Variants in EPM2A observed in about 807,000 individuals in gnomAD.
EPM2A encodes EPM2A glucan phosphatase, laforin.
In EPM2A, 21 loss-of-function variants were observed where a neutral mutation model predicts 26.5. The ratio of observed to expected loss-of-function variants is 0.79; its 90% CI spans 0.56 to 1.14. The LOEUF is 1.14. EPM2A is among the 50% of genes most tolerant of loss of function. The probability of loss-of-function intolerance (pLI) is 0.00; values close to 1 mark genes in which losing one functional copy is unlikely to be tolerated. For missense variants in EPM2A, 458 were observed against 440.8 expected, an observed-to-expected ratio of 1.04 and a Z score of -0.35; for synonymous variants, 217 against 177.6, an observed-to-expected ratio of 1.22 and a Z score of -1.76.
At position 145,432,500 on chromosome 6, in the gene EPM2A, C is replaced by CTTT. The variant is rs3063949; in HGVS notation, c.556-48406_556-48404dup. On this transcript the variant is annotated intron_variant, in intron 4 of 4. Transcript: ENST00000638717. The stretch of plus-strand genomic sequence containing the variant: ...ATTGTAAATGATCAGTTTTTTGAGT[C>CTTT]TTTTTTTTTTTTCTGAACAGTAGTC... Among the ~76,000 whole-genome samples the CTTT allele has an allele frequency of 4.6e-3, 672 of 147,118 alleles. 7 individuals carry two copies. The highest frequency in any genetic ancestry group is 0.016 in the South Asian group (74 of 4,682).
intron 4 of EPM2A, among the ~76,000 whole-genome samples, chr6:145,419,188 C>A (rs111766628): frequency 0.022 from 3,353 of 150,648 alleles, 160 homozygotes; most frequent in African/African-American, 0.076. Flanking sequence ...TGTCCCCCCC[C>A]CCCGCTCCTT....
chr6:145,723,699 A>G (rs1325395719), intron 1 of EPM2A, among the ~76,000 whole-genome samples: 1 of 152,132 alleles, frequency 6.6e-6, no homozygotes, highest in Non-Finnish European at 1.5e-5. Flanking sequence ...AACAAGATGA[A>G]TGATATAAAT....
intron 2 of EPM2A, among the ~76,000 whole-genome samples, chr6:145,583,484 G>GC (rs994615846): frequency 2.8e-4 from 42 of 152,284 alleles, no homozygotes; most frequent in African/African-American, 9.9e-4. Flanking sequence ...GGTAGTAGGT[G>GC]CCTGGCTTTG....
intron 4 of EPM2A, among the ~76,000 whole-genome samples, chr6:145,479,237 T>A (rs1340375790): frequency 1.4e-5 from 2 of 147,982 alleles, no homozygotes; most frequent in Non-Finnish European, 3.0e-5. Flanking sequence ...AATATATATA[T>A]ATAAAATAAA....
intron 2 of EPM2A, among the ~76,000 whole-genome samples, chr6:145,563,857 T>C (rs1780843668): frequency 6.6e-6 from 1 of 152,108 alleles, no homozygotes; most frequent in Non-Finnish European, 1.5e-5. Context: ...GGAAAACATA[T>C]ATACATTTGA....
rs185555784 is a variant in EPM2A at position 145,704,410 on chromosome 6, A to G, written c.302-18114T>C. Among the ~76,000 whole-genome samples the G allele has an allele frequency of 1.7e-3, 256 of 152,362 alleles. 2 individuals are homozygous for G. Among genetic ancestry groups the G allele is most frequent in the Non-Finnish European group, 1.1e-3 (77 of 68,036 alleles). ...AAACAGAATATAAATAAAGTATTCA[A>G]ATTTGAAAAGATTTTAAGAATTTCC... On this transcript the variant is annotated intron_variant, in intron 1 of 3. Coordinates refer to ENST00000367519, the MANE Select transcript of EPM2A (RefSeq NM_005670.4).
intron 2 of EPM2A, among the ~76,000 whole-genome samples, chr6:145,599,044 T>C (rs531079786): frequency 4.6e-5 from 7 of 152,264 alleles, no homozygotes; most frequent in South Asian, 2.1e-4. Context: ...TAACATGATG[T>C]CTCTAGCTTT....
chr6:145,581,240 T>G (rs917413067), intron 2 of EPM2A, among the ~76,000 whole-genome samples: 2 of 152,204 alleles, frequency 1.3e-5, no homozygotes, highest in Non-Finnish European at 2.9e-5. Flanking sequence ...TAATTTGCAT[T>G]TCTCAAATGA....
chr6:145,582,342 T>C (rs1781127004), intron 2 of EPM2A, among the ~76,000 whole-genome samples: 1 of 152,150 alleles, frequency 6.6e-6, no homozygotes, highest in Admixed American at 6.5e-5. Flanking sequence ...TTGCTGAGAA[T>C]TGTCTAATGG....
chr6:145,513,402 AT>A (rs1486818335), intron 2 of EPM2A, among the ~76,000 whole-genome samples: 2 of 152,210 alleles, frequency 1.3e-5, no homozygotes, highest in Non-Finnish European at 2.9e-5. Flanking sequence ...GCCAAAAAAA[AT>A]ATTGGCATGA....
At chr6:145,666,958 C>G (rs1244742139) in intron 2 of EPM2A, among the ~76,000 whole-genome samples, 1 of 129,028 alleles carries the variant, frequency 7.8e-6, no homozygotes, top group East Asian at 2.2e-4. Flanking sequence ...ACTGGCTAGC[C>G]ATATGTAGAA....
chr6:145,615,996 G>A (rs1775504444), intron 2 of EPM2A, among the ~76,000 whole-genome samples: 1 of 152,196 alleles, frequency 6.6e-6, no homozygotes, highest in Non-Finnish European at 1.5e-5. Context: ...CATTTTCTAA[G>A]GAGAAATTTA....
intron 1 of EPM2A, among the ~76,000 whole-genome samples, chr6:145,692,213 T>C (rs1258209627): frequency 1.3e-5 from 2 of 152,116 alleles, no homozygotes; most frequent in East Asian, 3.9e-4. Context: ...GGTGGTTAAA[T>C]ACGTAAAGCA....
chr6:145,639,133 A>G (rs916139906), intron 2 of EPM2A: 6 of 152,198 alleles, frequency 3.9e-5, no homozygotes, highest in African/African-American at 1.4e-4. Flanking sequence ...ACCAAAATTC[A>G]AAGATATAAT....
At chr6:145,444,695 T>G (rs1015676963) in intron 4 of EPM2A, among the ~76,000 whole-genome samples, 2 of 152,206 alleles carry the variant, frequency 1.3e-5, no homozygotes, top group African/African-American at 2.4e-5. Flanking sequence ...AATAACAGTT[T>G]CTGTTTATTG....
intron 2 of EPM2A, among the ~76,000 whole-genome samples, chr6:145,568,396 T>C (rs1041351243): frequency 2.0e-5 from 3 of 151,762 alleles, no homozygotes; most frequent in Non-Finnish European, 1.5e-5. Context: ...CTCTGCTCAC[T>C]GCAGCCTCTG....
chr6:145,549,766 T>C (rs1324886426), intron 2 of EPM2A, among the ~76,000 whole-genome samples: 2 of 152,106 alleles, frequency 1.3e-5, no homozygotes, highest in Admixed American at 1.3e-4. Flanking sequence ...ATGGTCACAG[T>C]GTCCTCTGTC....
chr6:145,464,497 G>A (rs71566412), intron 4 of EPM2A, among the ~76,000 whole-genome samples: 2 of 151,922 alleles, frequency 1.3e-5, no homozygotes, highest in Admixed American at 1.3e-4. Context: ...TTCCTACCAT[G>A]ATGGGAAAAA....
chr6:145,557,163 TTA>T, intron 2 of EPM2A, among the ~76,000 whole-genome samples: 1 of 152,250 alleles, frequency 6.6e-6, no homozygotes, highest in Middle Eastern at 3.4e-3. Flanking sequence ...AATTCATAAA[TTA>T]TATATTTTGA....
Sources: allele counts gnomAD v4.1 joint callset (sites outside exome capture counted in the v4.1 genomes callset), GRCh38; gene constraint gnomAD v4.1.1; transcripts MANE v1.5; gene names NCBI Gene and HGNC (gene_info 2026-07-23, HGNC 2026-07-21).